Variants in ATP9B observed in about 807,000 individuals in gnomAD.
The protein encoded by ATP9B is ATPase phospholipid transporting 9B.
ATP9B carries 110 observed loss-of-function variants against 146.1 expected under a neutral mutation model. The observed-to-expected ratio is 0.75, with a 90% confidence interval of 0.65 to 0.88. ATP9B has a LOEUF of 0.88. ATP9B is among the 40% of genes least tolerant of loss of function. The pLI, the probability that ATP9B is intolerant of heterozygous loss-of-function variation, is 0.00. For missense variants in ATP9B, 1,499 were observed against 1,496.4 expected (o/e 1.00, Z -0.03); for synonymous variants, 604 against 569.7 (o/e 1.06, Z -0.86).
chr18:79,150,313 TAA>T, intron 6 of ATP9B, among the ~76,000 whole-genome samples: 1 of 146,640 alleles, frequency 6.8e-6, no homozygotes, highest in South Asian at 2.1e-4. Flanking sequence ...GATAGTTTCT[TAA>T]AAAAAAAAAC....
At chr18:79,332,740 G>C (rs982050005) in intron 17 of ATP9B, 1 of 152,240 alleles carries the variant, frequency 6.6e-6, no homozygotes, top group Non-Finnish European at 1.5e-5. Flanking sequence ...AATTGGGAAC[G>C]ACAGGAGGTA....
intron 26 of ATP9B, chr18:79,363,584 G>C (rs62097668): frequency 6.6e-6 from 1 of 151,802 alleles, no homozygotes; most frequent in African/African-American, 2.4e-5. Context: ...ATTGAGAGGC[G>C]TAAGCAGATG....
chr18:79,291,392 A>G (rs1028434289), intron 13 of ATP9B, among the ~76,000 whole-genome samples: 1 of 152,242 alleles, frequency 6.6e-6, no homozygotes, highest in Non-Finnish European at 1.5e-5. Context: ...GTTTGAAATC[A>G]TGGAGAGCAT....
chr18:79,365,683 C>T (rs1317347573), intron 26 of ATP9B, among the ~76,000 whole-genome samples: 8 of 151,438 alleles, frequency 5.3e-5, no homozygotes, highest in Non-Finnish European at 7.4e-5. Context: ...TCTCCGTGGA[C>T]GGGGACAGCT....
chr18:79,128,052 CTTTTTTTTT>C (rs1173565651), intron 5 of ATP9B, among the ~76,000 whole-genome samples: 2 of 71,686 alleles, frequency 2.8e-5, no homozygotes, highest in African/African-American at 6.1e-5. Flanking sequence ...CCTTTGCCGA[CTTTTTTTTT>C]TTTTTTTTTT....
intron 4 of ATP9B, among the ~76,000 whole-genome samples, chr18:79,116,940 T>A (rs866180558): frequency 0.028 from 2,981 of 106,318 alleles, 105 homozygotes; most frequent in African/African-American, 0.092. Context: ...AAAAAAAAAT[T>A]AAAAAAAAAA....
intron 13 of ATP9B, among the ~76,000 whole-genome samples, chr18:79,294,345 A>G (rs1375416460): frequency 1.3e-5 from 2 of 152,222 alleles, no homozygotes; most frequent in African/African-American, 4.8e-5. Flanking sequence ...TTTACATCAG[A>G]GGAGGCGGCC....
At chr18:79,310,770 C>A (rs1478858461) in intron 15 of ATP9B, among the ~76,000 whole-genome samples, 1 of 151,200 alleles carries the variant, frequency 6.6e-6, no homozygotes, top group Non-Finnish European at 1.5e-5. Context: ...GTCTGTACAT[C>A]AGGCAGACTT....
At chr18:79,106,418 T>C (rs933509301) in intron 2 of ATP9B, among the ~76,000 whole-genome samples, 2 of 152,200 alleles carry the variant, frequency 1.3e-5, no homozygotes, top group African/African-American at 4.8e-5. Context: ...AGTGTTTATG[T>C]ATCCTTGGGG....
At chr18:79,297,051 CCAGAGAGAAGA>C (rs969972688) in intron 13 of ATP9B, among the ~76,000 whole-genome samples, 1 of 140,762 alleles carries the variant, frequency 7.1e-6, no homozygotes, top group East Asian at 2.1e-4. Flanking sequence ...GAGAGATGAC[CCAGAGAGAAGA>C]CAGAGAGATG....
intron 12 of ATP9B, among the ~76,000 whole-genome samples, chr18:79,272,681 G>A (rs2096268828): frequency 6.6e-6 from 1 of 152,020 alleles, no homozygotes; most frequent in Non-Finnish European, 1.5e-5. Flanking sequence ...CTCCACTATA[G>A]CTCAGGCTCT....
intron 11 of ATP9B, among the ~76,000 whole-genome samples, chr18:79,222,404 G>A (rs1388465705): frequency 1.3e-5 from 2 of 151,934 alleles, no homozygotes; most frequent in African/African-American, 2.4e-5. Flanking sequence ...TCTCTTTCTT[G>A]TTTCTGTGAC....
At chr18:79,296,373 A>C (rs907207818) in intron 13 of ATP9B, among the ~76,000 whole-genome samples, 37 of 152,210 alleles carry the variant, frequency 2.4e-4, no homozygotes, top group African/African-American at 8.9e-4. Flanking sequence ...TTCAAAAATC[A>C]ATTACTGTAA....
rs764301018 is a variant in ATP9B, at chr18:79,347,889, C to A, written c.2802C>A (p.Phe934Leu). Residue 934 changes from phenylalanine (F) to leucine (L), a missense_variant, in exon 24 of 30, where the codon TTC becomes TTA. By Grantham distance (22) the Phe-to-Leu change is conservative (BLOSUM62 0). Transcript: ENST00000426216. The part of the protein sequence containing the change: ...SYKRSAALGQ[F>L]VMHRGLIIST... ...AGAGGTCGGCGGCACTCGGCCAGTTCGTCATGCACAGGGGCCTTATCATCT... is the reference window on the plus strand; with the variant it reads ...AGAGGTCGGCGGCACTCGGCCAGTTAGTCATGCACAGGGGCCTTATCATCT... 1.2e-6 allele frequency: 2 copies of A among 1,613,486 alleles called. No individual in the cohort carries two copies. The highest frequency in any genetic ancestry group is 2.7e-5 in the African/African-American group (2 of 74,696).
chr18:79,340,296 A>C (rs755598031), intron 19 of ATP9B: 1 of 152,154 alleles, frequency 6.6e-6, no homozygotes, highest in Non-Finnish European at 1.5e-5. Context: ...TATTCTTTAC[A>C]TTATGTAAAG....
At chr18:79,142,305 A>T (rs1444831034) in intron 5 of ATP9B, among the ~76,000 whole-genome samples, 2 of 152,244 alleles carry the variant, frequency 1.3e-5, no homozygotes, top group Non-Finnish European at 2.9e-5. Flanking sequence ...GAAATGTTAG[A>T]TCTTAATTAC....
intron 1 of ATP9B, 60 bp downstream of exon 1, chr18:79,069,589 C>T (rs2071461689): frequency 1.8e-6 from 2 of 1,122,894 alleles, no homozygotes; most frequent in Non-Finnish European, 2.3e-6. Context: ...CCCAGCCCAC[C>T]GCAGGAACCC....
chr18:79,300,220 G>A (rs144825724), intron 13 of ATP9B, among the ~76,000 whole-genome samples: 15 of 152,294 alleles, frequency 9.8e-5, no homozygotes, highest in East Asian at 3.9e-4. Flanking sequence ...GTTTGAGAGC[G>A]TTTGGGAGGT....
chr18:79,291,627 G>A (rs1433564445), intron 13 of ATP9B, among the ~76,000 whole-genome samples: 1 of 152,216 alleles, frequency 6.6e-6, no homozygotes, highest in Non-Finnish European at 1.5e-5. Flanking sequence ...CCAACAAGGT[G>A]TGATTGCATT....
Sources: allele counts gnomAD v4.1 joint callset (sites outside exome capture counted in the v4.1 genomes callset), GRCh38; gene constraint gnomAD v4.1.1; transcripts MANE v1.5; gene names NCBI Gene and HGNC (gene_info 2026-07-23, HGNC 2026-07-21).